SAMMSON: variants seen among roughly 807,000 people sequenced by gnomAD.
SAMMSON encodes the protein long intergenic non-protein coding RNA 1212.
chr3:70,180,382 CAGTT>C (rs1322998122), intron 4 of SAMMSON, among the ~76,000 whole-genome samples: 1 of 152,040 alleles, frequency 6.6e-6, no homozygotes, highest in Non-Finnish European at 1.5e-5. Flanking sequence ...ATCATATTGA[CAGTT>C]ACTCATATAT....
intron 6 of SAMMSON, among the ~76,000 whole-genome samples, chr3:70,274,331 A>G (rs763623212): frequency 2.0e-5 from 3 of 152,152 alleles, no homozygotes; most frequent in African/African-American, 4.8e-5. Context: ...AACAAGGTTG[A>G]GAATCATCAT....
intron 4 of SAMMSON, among the ~76,000 whole-genome samples, chr3:70,181,066 G>C (rs1701049941): frequency 6.6e-6 from 1 of 152,128 alleles, no homozygotes; most frequent in African/African-American, 2.4e-5. Context: ...AATTTATCAT[G>C]GGAACAGTGG....
chr3:70,411,879 G>A (rs1324582689), intron 2 of SAMMSON, among the ~76,000 whole-genome samples: 5 of 152,148 alleles, frequency 3.3e-5, no homozygotes, highest in African/African-American at 1.2e-4. Context: ...ATAGGAGTAT[G>A]AAAATGGGCT....
chr3:70,083,184 A>G (rs1370544467), intron 4 of SAMMSON, among the ~76,000 whole-genome samples: 1 of 152,184 alleles, frequency 6.6e-6, no homozygotes, highest in Non-Finnish European at 1.5e-5. Context: ...AGAGCTCAGT[A>G]TTGTGATCAT....
At chr3:70,307,113 G>A (rs957119951) in intron 7 of SAMMSON, among the ~76,000 whole-genome samples, 2 of 152,134 alleles carry the variant, frequency 1.3e-5, no homozygotes, top group Non-Finnish European at 1.5e-5. Flanking sequence ...TCCTAGAACA[G>A]AAGCTGCAAA....
chr3:70,357,013 A>G (rs1160907527), intron 8 of SAMMSON, among the ~76,000 whole-genome samples: 2 of 152,192 alleles, frequency 1.3e-5, no homozygotes, highest in Non-Finnish European at 2.9e-5. Context: ...TTGAAGTAGA[A>G]TTAGTAGAGC....
At chr3:70,043,947 T>A (rs1483401556) in intron 3 of SAMMSON, among the ~76,000 whole-genome samples, 1 of 152,066 alleles carries the variant, frequency 6.6e-6, no homozygotes, top group East Asian at 1.9e-4. Context: ...TGAACAAAAT[T>A]GATCCAATTA....
chr3:70,337,099 A>G (rs1204304492), intron 7 of SAMMSON, among the ~76,000 whole-genome samples: 1 of 40,940 alleles, frequency 2.4e-5, no homozygotes, highest in Non-Finnish European at 6.0e-5. Flanking sequence ...TAATAATAAT[A>G]TCTAACTTAA....
chr3:70,336,814 T>TGGTG (rs1408587252), intron 7 of SAMMSON, among the ~76,000 whole-genome samples: 1 of 126,658 alleles, frequency 7.9e-6, no homozygotes, highest in African/African-American at 3.0e-5. Context: ...AATAGAAAGT[T>TGGTG]TGTGTGTGTG....
intron 4 of SAMMSON, among the ~76,000 whole-genome samples, chr3:70,090,567 G>T (rs935379698): frequency 1.3e-5 from 2 of 152,032 alleles, no homozygotes; most frequent in Non-Finnish European, 2.9e-5. Flanking sequence ...TCGGGTTTTC[G>T]TTCTCTCTTT....
chr3:70,040,080 C>A (rs2067100745), intron 3 of SAMMSON, among the ~76,000 whole-genome samples: 1 of 152,042 alleles, frequency 6.6e-6, no homozygotes, highest in African/African-American at 2.4e-5. Context: ...TGTTGAAATT[C>A]CAGCTCCCTA....
intron 4 of SAMMSON, among the ~76,000 whole-genome samples, chr3:70,235,314 T>C (rs1701597106): frequency 6.6e-6 from 1 of 152,210 alleles, no homozygotes; most frequent in Non-Finnish European, 1.5e-5. Flanking sequence ...AAATCCTTTG[T>C]GCACTATTTT....
Position 70,004,377 on chromosome 3 carries a change from G to C in SAMMSON, n.22+4510G>C, listed in dbSNP as rs574813578. On this transcript the variant is annotated intron_variant and non_coding_transcript_variant, in intron 1 of 9. Coordinates refer to ENST00000642114, the Ensembl canonical transcript of SAMMSON. ...CTGATAAAGCCTATTAGTTCAGAAG[G>C]ATGTCTTGGTACCATAAAAAGATAT... 2.2e-4 allele frequency among the ~76,000 whole-genome samples: 33 copies of C among 152,206 alleles called. No individual in the cohort carries two copies. In the East Asian group the frequency reaches 6.2e-3, roughly 28 times the overall value.
chr3:70,341,381 A>G (rs1702709370), intron 7 of SAMMSON, among the ~76,000 whole-genome samples: 2 of 152,030 alleles, frequency 1.3e-5, no homozygotes, highest in Non-Finnish European at 2.9e-5. Flanking sequence ...TTTTCCACCA[A>G]TCAAAACCCT....
intron 4 of SAMMSON, chr3:70,206,481 T>A (rs1243962428): frequency 2.5e-6 from 1 of 395,884 alleles, no homozygotes; most frequent in Non-Finnish European, 4.5e-6. Flanking sequence ...TAAGGACTTT[T>A]TTTTTCCTAA....
intron 9 of SAMMSON, among the ~76,000 whole-genome samples, chr3:70,370,229 C>T (rs1702955541): frequency 6.6e-6 from 1 of 151,938 alleles, no homozygotes; most frequent in Non-Finnish European, 1.5e-5. Context: ...GACATTTAGG[C>T]TGATTCCATA....
intron 2 of SAMMSON, among the ~76,000 whole-genome samples, chr3:70,395,232 A>G (rs970410477): frequency 6.7e-6 from 1 of 149,662 alleles, no homozygotes; most frequent in Non-Finnish European, 1.5e-5. Flanking sequence ...GCTCCATTCC[A>G]CTCTTCTCCC....
intron 7 of SAMMSON, among the ~76,000 whole-genome samples, chr3:70,299,689 A>G (rs1317818507): frequency 2.0e-5 from 3 of 152,116 alleles, no homozygotes; most frequent in Admixed American, 6.6e-5. Flanking sequence ...GCTTCTAACT[A>G]GTCACTCTGG....
intron 3 of SAMMSON, among the ~76,000 whole-genome samples, chr3:70,049,714 C>G (rs1221146963): frequency 6.6e-6 from 1 of 152,048 alleles, no homozygotes; most frequent in Non-Finnish European, 1.5e-5. Flanking sequence ...TCTCAAACAA[C>G]ATGACAGGAA....
Sources: allele counts gnomAD v4.1 joint callset (sites outside exome capture counted in the v4.1 genomes callset), GRCh38; gene constraint gnomAD v4.1.1; transcripts MANE v1.5; gene names NCBI Gene and HGNC (gene_info 2026-07-23, HGNC 2026-07-21).